The following DENND1A variants were observed in gnomAD, a reference collection of about 807,000 sequenced individuals.
DENND1A encodes the protein DENN domain containing 1A.
A neutral mutation model predicts 113.7 loss-of-function variants in DENND1A; 51 were observed. The ratio of observed to expected loss-of-function variants is 0.45; its 90% CI spans 0.36 to 0.57. The LOEUF is 0.57. Among genes scored for constraint, DENND1A ranks in the 20% least tolerant of loss-of-function variants. The probability of loss-of-function intolerance (pLI) is 0.00; values close to 1 mark genes in which losing one functional copy is unlikely to be tolerated. For missense variants in DENND1A, 1,258 were observed against 1,395.9 expected, an observed-to-expected ratio of 0.90 and a Z score of 1.57; for synonymous variants, 565 against 570.8, an observed-to-expected ratio of 0.99 and a Z score of 0.14.
At position 123,393,640 on chromosome 9, in the gene DENND1A, G is replaced by T. The variant is rs569418500; in HGVS notation, c.1632-5782C>A. 3.9e-5 allele frequency among the ~76,000 whole-genome samples: 6 copies of T among 152,320 alleles called. No individual in the cohort carries two copies. The East Asian group carries it at 7.7e-4, about 20-fold the overall frequency. On this transcript the variant is annotated intron_variant, in intron 21 of 23. Transcript: ENST00000394215. ...GAAGAAACTCTGGAATTAGACTGGAGCTGTTCTCTGTGCGACCCAGGATAA... is the reference window on the plus strand; with the variant it reads ...GAAGAAACTCTGGAATTAGACTGGATCTGTTCTCTGTGCGACCCAGGATAA...
At chr9:123,681,149 A>T (rs1243399992) in intron 5 of DENND1A, among the ~76,000 whole-genome samples, 3 of 151,848 alleles carry the variant, frequency 2.0e-5, no homozygotes, top group Non-Finnish European at 4.4e-5. Flanking sequence ...GAGTTTCATG[A>T]CTCAAGGGGG....
intron 5 of DENND1A, among the ~76,000 whole-genome samples, chr9:123,693,828 TTATTA>T (rs967291135): frequency 1.4e-5 from 2 of 147,672 alleles, no homozygotes; most frequent in African/African-American, 4.9e-5. Flanking sequence ...ATTATTATTA[TTATTA>T]TTATTATTAT....
intron 13 of DENND1A, among the ~76,000 whole-genome samples, chr9:123,517,175 C>T (rs1367787444): frequency 2.0e-5 from 3 of 150,904 alleles, no homozygotes; most frequent in Non-Finnish European, 4.4e-5. Flanking sequence ...ATGGTGTGAA[C>T]CCGGGATGTG....
intron 18 of DENND1A, among the ~76,000 whole-genome samples, chr9:123,446,031 C>T (rs1344792300): frequency 6.6e-6 from 1 of 152,204 alleles, no homozygotes; most frequent in Admixed American, 6.5e-5. Context: ...TCAGTGAGGT[C>T]TTGTAACTTA....
chr9:123,549,717 G>T (rs1589092925), intron 13 of DENND1A, among the ~76,000 whole-genome samples: 1 of 152,180 alleles, frequency 6.6e-6, no homozygotes, highest in African/African-American at 2.4e-5. Context: ...GGAATATTCT[G>T]CAGTTATGTA....
chr9:123,821,150 T>A (rs944837702), intron 2 of DENND1A, among the ~76,000 whole-genome samples: 3 of 152,208 alleles, frequency 2.0e-5, no homozygotes, highest in African/African-American at 7.2e-5. Flanking sequence ...TTTTAAAATC[T>A]CTTTTTGAGT....
At chr9:123,562,833 G>A (rs1018911634) in intron 12 of DENND1A, among the ~76,000 whole-genome samples, 7 of 152,178 alleles carry the variant, frequency 4.6e-5, no homozygotes, top group African/African-American at 7.2e-5. Context: ...GACTGAGCAG[G>A]TGGTTCCATG....
At chr9:123,883,423 G>A (rs899730491) in intron 1 of DENND1A, among the ~76,000 whole-genome samples, 2 of 152,136 alleles carry the variant, frequency 1.3e-5, no homozygotes, top group African/African-American at 2.4e-5. Flanking sequence ...CCAGTTCCAC[G>A]ATTCTCAAAC....
chr9:123,917,676 T>A (rs2134109781), intron 1 of DENND1A, among the ~76,000 whole-genome samples: 1 of 152,074 alleles, frequency 6.6e-6, no homozygotes, highest in South Asian at 2.1e-4. Flanking sequence ...AAGTCCTAAA[T>A]CCCAGGCTGT....
chr9:123,740,134 T>A (rs1379350673), intron 5 of DENND1A, among the ~76,000 whole-genome samples: 3 of 152,196 alleles, frequency 2.0e-5, no homozygotes, highest in African/African-American at 4.8e-5. Context: ...TTTACCTATG[T>A]AACAACCCTG....
In DENND1A at chr9:123,748,622, A is replaced by G. The variant is rs2069732546; in HGVS notation, c.302+9081T>C. On this transcript the variant is annotated intron_variant, in intron 5 of 23. Transcript: ENST00000394215. ...CTTGCTCTTAAGAGTGTAGCTTAGA[A>G]GCAAAGGGCAATTTTAGGAGTGAGG... is the stretch of plus-strand genomic sequence containing the variant. Among the ~76,000 whole-genome samples, 3 of 152,328 alleles carry G rather than the reference A, an allele frequency of 2.0e-5. No homozygotes were observed. In the South Asian group the frequency reaches 6.2e-4, roughly 32 times the overall value.
At chr9:123,682,703 C>T (rs914948104) in intron 5 of DENND1A, among the ~76,000 whole-genome samples, 6 of 152,222 alleles carry the variant, frequency 3.9e-5, no homozygotes, top group Middle Eastern at 3.4e-3. Flanking sequence ...TGTGACACCT[C>T]GAGAAAGCGG....
chr9:123,536,621 G>A (rs1325006917), intron 13 of DENND1A, among the ~76,000 whole-genome samples: 4 of 152,092 alleles, frequency 2.6e-5, no homozygotes, highest in Admixed American at 6.6e-5. Flanking sequence ...GAAGGAGACC[G>A]AGCCGTCCAG....
At position 123,659,893 on chromosome 9, in the gene DENND1A, T is replaced by C. The variant is rs114447344; in HGVS notation, c.507+7133A>G. On this transcript the variant is annotated intron_variant, in intron 8 of 23. Transcript: ENST00000394215. The stretch of plus-strand genomic sequence containing the variant: ...GAGATTAATATGCAAATTTCAACAC[T>C]GCTAGAGCTCAACAGTGATTCTGTG... Among the ~76,000 whole-genome samples, 331 of 152,366 alleles carry C rather than the reference T, an allele frequency of 2.2e-3. 1 individual carries two copies. Among genetic ancestry groups the C allele is most frequent in the African/African-American group, 7.6e-3 (317 of 41,592 alleles).
chr9:123,891,180 C>A (rs1849845454), intron 1 of DENND1A, among the ~76,000 whole-genome samples: 1 of 152,108 alleles, frequency 6.6e-6, no homozygotes, highest in Admixed American at 6.6e-5. Flanking sequence ...TGGTGCCTTC[C>A]CCATGTCTCC....
At chr9:123,643,165 A>G (rs1463746157) in intron 9 of DENND1A, among the ~76,000 whole-genome samples, 1 of 152,166 alleles carries the variant, frequency 6.6e-6, no homozygotes, top group Non-Finnish European at 1.5e-5. Context: ...TCCTCAGGCC[A>G]CAGGGTACCC....
intron 13 of DENND1A, among the ~76,000 whole-genome samples, chr9:123,459,391 A>G (rs892452688): frequency 2.0e-5 from 3 of 152,236 alleles, no homozygotes; most frequent in Non-Finnish European, 2.9e-5. Flanking sequence ...CTTAAACAAT[A>G]GCAAACTGAA....
chr9:123,830,362 TAAAG>T (rs933347183), intron 2 of DENND1A, among the ~76,000 whole-genome samples: 1 of 152,038 alleles, frequency 6.6e-6, no homozygotes, highest in African/African-American at 2.4e-5. Context: ...GAATTGGAAA[TAAAG>T]AGAAGAGTAT....
chr9:123,741,030 G>C (rs931102382), intron 5 of DENND1A, among the ~76,000 whole-genome samples: 26 of 151,804 alleles, frequency 1.7e-4, no homozygotes, highest in Admixed American at 1.4e-3. Context: ...TCTACTAGGG[G>C]TCAGCTACTC....
Sources: allele counts gnomAD v4.1 joint callset (sites outside exome capture counted in the v4.1 genomes callset), GRCh38; gene constraint gnomAD v4.1.1; transcripts MANE v1.5; gene names NCBI Gene and HGNC (gene_info 2026-07-23, HGNC 2026-07-21).